Variants in UROS observed in about 807,000 individuals in gnomAD.
The protein encoded by UROS is uroporphyrinogen III synthase.
UROS carries 18 observed loss-of-function variants against 33.0 expected under a neutral mutation model. That is an observed-to-expected ratio of 0.55 (90% CI 0.38 to 0.81). UROS has a LOEUF of 0.81. Among genes scored for constraint, UROS ranks in the 30% least tolerant of loss-of-function variants. The pLI, the probability that UROS is intolerant of heterozygous loss-of-function variation, is 0.00. For synonymous variants in UROS, 114 were observed against 121.1 expected (o/e 0.94, Z 0.38); for missense variants, 293 against 314.9 (o/e 0.93, Z 0.53).
Position 125,798,085 on chromosome 10 carries a change from G to T in UROS, c.455C>A (p.Pro152Gln). The change falls in exon 7 of 10, where the codon CCA becomes CAA. Residue 152 changes from proline to glutamine, a missense_variant. By Grantham distance (76) the Pro-to-Gln change is moderately conservative. Transcript: ENST00000368797. ...PCGNLKREILPKALKDKGIAM... is the reference protein window; with the variant it reads ...PCGNLKREILQKALKDKGIAM... ...CTCGCCTTTGTCCTTGAGCGCTTTT[G>T]GCAGGATTTCTCTTTTGAGGTTTCC... is the stretch of plus-strand genomic sequence containing the variant. 6.2e-7 allele frequency: 1 copy of T among 1,614,046 alleles called. No individual in the cohort carries two copies. The highest frequency in any genetic ancestry group is 1.1e-5 in the South Asian group (1 of 91,078).
At chr10:125,818,856 A>T (rs555812569) in intron 1 of UROS, among the ~76,000 whole-genome samples, 137 of 152,248 alleles carry the variant, frequency 9.0e-4, no homozygotes, top group Non-Finnish European at 1.6e-3. Context: ...AACAATTTCA[A>T]TTTTACCCAG....
chr10:125,799,610 C>G (rs1373354749), intron 6 of UROS, among the ~76,000 whole-genome samples: 1 of 152,178 alleles, frequency 6.6e-6, no homozygotes, highest in Non-Finnish European at 1.5e-5. Context: ...CTCTGACTCA[C>G]AAGGCTGGGC....
At position 125,788,854 on chromosome 10, in the gene UROS, G is replaced by C. The variant is rs367728689; in HGVS notation, c.*14C>G. The stretch of plus-strand genomic sequence containing the variant: ...CCCAGGGAGGCTGCATGGGGCCAGC[G>C]CTAGGTGGCTGACTCAGCAGCAGCC... On this transcript the variant is annotated 3_prime_UTR_variant, in exon 10 of 10. Transcript: ENST00000368797. 10 of 1,574,818 alleles carry C rather than the reference G, an allele frequency of 6.3e-6. No homozygotes were observed. The highest frequency in any genetic ancestry group is 8.6e-6 in the Non-Finnish European group (10 of 1,162,032).
At chr10:125,785,003 C>T (rs1850604348), downstream of UROS, 1 of 152,178 alleles carries the variant, frequency 6.6e-6, no homozygotes, top group Admixed American at 6.5e-5. Flanking sequence ...GCATTTTATT[C>T]AAACTCGGAA....
chr10:125,802,419 A>G, intron 6 of UROS: 1 of 985,858 alleles, frequency 1.0e-6, no homozygotes. Context: ...GACCCCCAGC[A>G]ATCCAGTCTG....
intron 6 of UROS, chr10:125,802,093 A>T: frequency 1.0e-6 from 1 of 985,476 alleles, no homozygotes; most frequent in Non-Finnish European, 1.2e-6. Flanking sequence ...CTACATTTTT[A>T]AAAGAAGGGC....
chr10:125,786,088 C>A (rs10751531), downstream of UROS, among the ~76,000 whole-genome samples: 1 of 151,752 alleles, frequency 6.6e-6, no homozygotes, highest in Non-Finnish European at 1.5e-5. Flanking sequence ...CTCAGGGTGT[C>A]GAGTGAGACT....
downstream of UROS, among the ~76,000 whole-genome samples, chr10:125,786,373 C>T (rs1052893529): frequency 2.0e-5 from 3 of 151,438 alleles, no homozygotes; most frequent in Admixed American, 1.3e-4. Flanking sequence ...CAACTCCTGG[C>T]TTCAAGCAAT....
downstream of UROS, among the ~76,000 whole-genome samples, chr10:125,786,596 C>G (rs1451134577): frequency 6.6e-5 from 10 of 152,156 alleles, no homozygotes; most frequent in Non-Finnish European, 1.3e-4. Flanking sequence ...TACTGACCTC[C>G]CAGACCCTCA....
chr10:125,804,299 C>G (rs991773372), intron 6 of UROS, among the ~76,000 whole-genome samples: 10 of 152,206 alleles, frequency 6.6e-5, no homozygotes, highest in Non-Finnish European at 1.5e-4. Flanking sequence ...TATAGAGCTT[C>G]TGGGTTGGTG....
In UROS at chr10:125,788,769, T is replaced by G. The variant is rs886046814; in HGVS notation, c.*99A>C. 1.0e-5 allele frequency: 15 copies of G among 1,481,046 alleles called. No individual in the cohort carries two copies. Among genetic ancestry groups the G allele is most frequent in the Admixed American group, 2.3e-5 (1 of 43,874 alleles). The allele number at this position is 1,481,046 out of a possible 1,614,324, so 91.7% of individuals were successfully genotyped here. A position where few individuals can be genotyped will look rare whatever the true frequency, so the allele number is the denominator to read the frequency against. ...TCCACTCAGGCTTGAGGCAGGAGTC[T>G]GACGGCAGCAGCTCCCGAGAGCCCT... On this transcript the variant is annotated 3_prime_UTR_variant, in exon 10 of 10. Coordinates refer to ENST00000368797, the MANE Select transcript of UROS (RefSeq NM_000375.3).
chr10:125,807,368 AC>A (rs1187802195), intron 6 of UROS, 44 bp downstream of exon 6: 4 of 1,563,248 alleles, frequency 2.6e-6, no homozygotes, highest in Non-Finnish European at 3.5e-6. Context: ...TGTGAGGTCA[AC>A]AAAAAATAAA....
Position 125,802,201 on chromosome 10 carries a change from A to G in UROS, c.395-4056T>C, listed in dbSNP as rs920268333. Reference sequence around the variant, plus strand: ...AGACCCATCTGCATCCTGTACCAGGAACCCCTGGAGCGAACCCTCCACACT... The same window carrying G: ...AGACCCATCTGCATCCTGTACCAGGGACCCCTGGAGCGAACCCTCCACACT... On this transcript the variant is annotated intron_variant, in intron 6 of 9. Transcript: ENST00000368797. 3 of 985,408 alleles carry G rather than the reference A, an allele frequency of 3.0e-6. No homozygotes were observed. The African/African-American group carries it at 5.2e-5, about 17-fold the overall frequency. The allele number at this position is 985,408 out of a possible 1,614,324, so 61.0% of individuals were successfully genotyped here.
At chr10:125,811,534 C>T (rs889872037) in intron 5 of UROS, among the ~76,000 whole-genome samples, 1 of 152,164 alleles carries the variant, frequency 6.6e-6, no homozygotes, top group Non-Finnish European at 1.5e-5. Context: ...CTGGTTTCTT[C>T]CCCAGCCTCA....
In UROS at chr10:125,789,107, G is replaced by A. The variant is rs1850742622; in HGVS notation, c.661-102C>T. The stretch of plus-strand genomic sequence containing the variant: ...GGGCCGTCAGCCAGCTTTGCGGTTG[G>A]ACGTTACTGCTCATGTGACGTGTTT... On this transcript the variant is annotated intron_variant, in intron 9 of 9. Coordinates refer to ENST00000368797, the MANE Select transcript of UROS (RefSeq NM_000375.3). 13 of 1,490,692 alleles carry A rather than the reference G, an allele frequency of 8.7e-6. No homozygotes were observed. The East Asian group carries it at 3.0e-4, about 34-fold the overall frequency. The allele number at this position is 1,490,692 out of a possible 1,614,324, so 92.3% of individuals were successfully genotyped here. A position where few individuals can be genotyped will look rare whatever the true frequency, so the allele number is the denominator to read the frequency against.
chr10:125,806,412 T>A (rs1852340733), intron 6 of UROS, among the ~76,000 whole-genome samples: 1 of 152,190 alleles, frequency 6.6e-6, no homozygotes, highest in Non-Finnish European at 1.5e-5. Context: ...CTCTCAGCTG[T>A]CAGCAGTTCA....
At chr10:125,807,788 A>ATTGTG (rs1852461530) in intron 5 of UROS, among the ~76,000 whole-genome samples, 1 of 152,154 alleles carries the variant, frequency 6.6e-6, no homozygotes, top group Admixed American at 6.5e-5. Flanking sequence ...TGTTTTAAGG[A>ATTGTG]TCGTGTCAGA....
intron 5 of UROS, among the ~76,000 whole-genome samples, chr10:125,809,334 G>A (rs987732045): frequency 1.3e-5 from 2 of 152,240 alleles, no homozygotes; most frequent in African/African-American, 4.8e-5. Flanking sequence ...CAAATGGAAG[G>A]CTTTCCTAGG....
intron 6 of UROS, chr10:125,802,891 C>T (rs1851960947): frequency 1.9e-6 from 3 of 1,585,250 alleles, no homozygotes; most frequent in Admixed American, 1.8e-5. Context: ...CTGGCCTCAC[C>T]CTCAGGGGCT....
Sources: gnomAD v4.1 joint callset for allele counts (sites outside exome capture counted in the v4.1 genomes callset) on GRCh38, gnomAD v4.1.1 for gene constraint, MANE v1.5 for transcripts, NCBI Gene and HGNC (gene_info 2026-07-23, HGNC 2026-07-21) for gene names.